Variants in HSDL2 observed in about 807,000 individuals in gnomAD.
HSDL2 encodes hydroxysteroid dehydrogenase-like protein 2.
A neutral mutation model predicts 46.3 loss-of-function variants in HSDL2; 27 were observed. The ratio of observed to expected loss-of-function variants is 0.58; its 90% CI spans 0.43 to 0.80. The LOEUF (loss-of-function observed/expected upper bound fraction) is 0.80, where lower values mean the gene tolerates loss of function less well. Among genes scored for constraint, HSDL2 ranks in the 30% least tolerant of loss-of-function variants. HSDL2 has a pLI of 0.00. For synonymous variants in HSDL2, 153 were observed against 163.6 expected (o/e 0.94, Z 0.50); for missense variants, 451 against 502.7 (o/e 0.90, Z 0.98).
intron 8 of HSDL2, among the ~76,000 whole-genome samples, chr9:112,449,367 A>G (rs548306061): frequency 6.0e-4 from 91 of 152,198 alleles, no homozygotes; most frequent in African/African-American, 2.1e-3. Flanking sequence ...GATTACCAGC[A>G]TGAGCCACCA....
intron 10 of HSDL2, among the ~76,000 whole-genome samples, chr9:112,462,608 G>A (rs1167163310): frequency 8.0e-6 from 1 of 125,380 alleles, no homozygotes; most frequent in African/African-American, 3.8e-5. Context: ...GGATGTGTGT[G>A]TGTGTGTGTG....
At chr9:112,389,807 G>A (rs905083823) in intron 1 of HSDL2, among the ~76,000 whole-genome samples, 2 of 152,168 alleles carry the variant, frequency 1.3e-5, no homozygotes, top group Non-Finnish European at 2.9e-5. Flanking sequence ...GCTTATGCCT[G>A]TAATCCCAGC....
intron 4 of HSDL2, among the ~76,000 whole-genome samples, chr9:112,412,480 G>C (rs1395578098): frequency 2.0e-5 from 3 of 152,130 alleles, no homozygotes; most frequent in Admixed American, 2.0e-4. Context: ...GAAATTGTTT[G>C]TTCATTGTAT....
At chr9:112,383,747 G>C (rs944859415) in intron 1 of HSDL2, among the ~76,000 whole-genome samples, 2 of 152,190 alleles carry the variant, frequency 1.3e-5, no homozygotes, top group Admixed American at 6.5e-5. Flanking sequence ...TGTCACCCAG[G>C]CTGGGGTGCA....
Position 112,408,889 on chromosome 9 carries a change from T to C in HSDL2, c.281-18T>C. On this transcript the variant is annotated intron_variant, in intron 3 of 10. Transcript: ENST00000398805. ...AAAAAGTCTTTCATTAAAATGAAATTGATTATTTTGAAAACAGGAATTGAT... is the reference window on the plus strand; with the variant it reads ...AAAAAGTCTTTCATTAAAATGAAATCGATTATTTTGAAAACAGGAATTGAT... 2.3e-6 allele frequency: 3 copies of C among 1,308,888 alleles called. No homozygotes were observed. Among genetic ancestry groups the C allele is most frequent in the Non-Finnish European group, 3.3e-6 (3 of 918,950 alleles). 81.1% of individuals were successfully genotyped at this position (1,308,888 alleles called of 1,614,324 possible). A position where few individuals can be genotyped will look rare whatever the true frequency, so the allele number is the denominator to read the frequency against.
In HSDL2 at chr9:112,416,953, T is replaced by C. The variant is rs781712978; in HGVS notation, c.499+9T>C. 8.8e-6 allele frequency: 12 copies of C among 1,362,342 alleles called. No individual in the cohort carries two copies. The highest frequency in any genetic ancestry group is 1.3e-5 in the Non-Finnish European group (12 of 954,186). The allele number at this position is 1,362,342 out of a possible 1,614,324, so 84.4% of individuals were successfully genotyped here. A position where few individuals can be genotyped will look rare whatever the true frequency, so the allele number is the denominator to read the frequency against. On this transcript the variant is annotated intron_variant, in intron 5 of 10. Transcript: ENST00000398805. ...GTTCAAACAGCACTGTGGTAGGTGG[T>C]AGGTGGTAGGGTGAGGGGATGGTTT... is the stretch of plus-strand genomic sequence containing the variant.
intron 4 of HSDL2, among the ~76,000 whole-genome samples, chr9:112,415,830 C>G (rs1466162340): frequency 6.6e-6 from 1 of 152,182 alleles, no homozygotes; most frequent in Admixed American, 6.5e-5. Flanking sequence ...GATTTCTGAG[C>G]AAGTTCAGTT....
At chr9:112,467,335 T>C (rs1358898049) in intron 10 of HSDL2, among the ~76,000 whole-genome samples, 1 of 152,178 alleles carries the variant, frequency 6.6e-6, no homozygotes, top group Non-Finnish European at 1.5e-5. Context: ...GAAATCCTTT[T>C]ATATTAAATA....
At chr9:112,430,064 A>G (rs962950166) in intron 6 of HSDL2, among the ~76,000 whole-genome samples, 2 of 152,022 alleles carry the variant, frequency 1.3e-5, no homozygotes, top group Non-Finnish European at 2.9e-5. Context: ...AGCCTGGGCA[A>G]CAGAGTTAAA....
At position 112,380,130 on chromosome 9, in the gene HSDL2, C is replaced by T. The variant is rs1279281068; in HGVS notation, c.-34C>T. On this transcript the variant is annotated 5_prime_UTR_variant, in exon 1 of 11. Coordinates refer to ENST00000398805, the MANE Select transcript of HSDL2 (RefSeq NM_032303.5). ...TTTAGCTCTCTGCTCGCCGCCGCCG[C>T]TGTCGCCGCCACCTCCTCTGATCTA... 1 of 1,555,060 alleles carries T rather than the reference C, an allele frequency of 6.4e-7. No homozygotes were observed. Among genetic ancestry groups the T allele is most frequent in the Non-Finnish European group, 8.7e-7 (1 of 1,146,964 alleles).
At chr9:112,454,495 A>G (rs190587797) in intron 9 of HSDL2, among the ~76,000 whole-genome samples, 1 of 152,010 alleles carries the variant, frequency 6.6e-6, no homozygotes. Flanking sequence ...GTACGGACAC[A>G]TGTAAAGTAA....
At position 112,438,620 on chromosome 9, in the gene HSDL2, A is replaced by G; in HGVS notation, c.788A>G (p.Lys263Arg). 1 of 1,547,398 alleles carries G rather than the reference A, an allele frequency of 6.5e-7. No individual in the cohort carries two copies. The highest frequency in any genetic ancestry group is 8.9e-7 in the Non-Finnish European group (1 of 1,128,566). The change falls in exon 7 of 11, where the codon AAA (lysine) becomes AGA (arginine). Residue 263 changes from lysine (K) to arginine (R), a missense_variant. Lys to Arg is a conservative substitution (Grantham distance 26). Transcript: ENST00000398805. The part of the protein sequence containing the change: ...GIENFDVYAI[K>R]PGHPLQPDFF... ...GAAAATTTTGACGTTTATGCAATTA[A>G]ACCAGGTAATGCTTTTATAGTTTTT...
chr9:112,397,409 A>G (rs983134124), intron 1 of HSDL2, among the ~76,000 whole-genome samples: 2 of 152,222 alleles, frequency 1.3e-5, no homozygotes, highest in African/African-American at 4.8e-5. Flanking sequence ...GAATACCTTG[A>G]GCGTGCTCAT....
intron 8 of HSDL2, among the ~76,000 whole-genome samples, chr9:112,453,286 G>A (rs1270094699): frequency 6.6e-6 from 1 of 152,178 alleles, no homozygotes; most frequent in African/African-American, 2.4e-5. Flanking sequence ...CCATCTTTCT[G>A]ATTCCAATGT....
intron 9 of HSDL2, among the ~76,000 whole-genome samples, chr9:112,456,451 C>T (rs1033990828): frequency 6.6e-6 from 1 of 152,256 alleles, no homozygotes; most frequent in Admixed American, 6.5e-5. Context: ...AATGCTCCTT[C>T]CCCAGTCCTT....
chr9:112,416,564 G>A (rs1831999088), intron 4 of HSDL2, among the ~76,000 whole-genome samples: 1 of 151,076 alleles, frequency 6.6e-6, no homozygotes, highest in Non-Finnish European at 1.5e-5. Flanking sequence ...GACCAGCCTG[G>A]GCAACAAAGC....
Position 112,438,535 on chromosome 9 carries a change from C to G in HSDL2, c.703C>G (p.Pro235Ala). Residue 235 changes from proline (P) to alanine (A), a missense_variant, in exon 7 of 11, where the codon CCA becomes GCA. By Grantham distance (27) the Pro-to-Ala change is conservative. Transcript: ENST00000398805. The stretch of plus-strand genomic sequence containing the variant: ...TGCAGCATATTCCATTTTCCAAAAG[C>G]CAAAAAGTTTTACTGGCAACTTTGT... ...ADAAYSIFQKPKSFTGNFVID... is the reference protein window; with the variant it reads ...ADAAYSIFQKAKSFTGNFVID... 6.2e-7 allele frequency: 1 copy of G among 1,611,884 alleles called. No homozygotes were observed. The highest frequency in any genetic ancestry group is 1.1e-5 in the South Asian group (1 of 90,468).
intron 1 of HSDL2, among the ~76,000 whole-genome samples, chr9:112,398,211 G>C (rs1831503968): frequency 6.6e-6 from 1 of 152,062 alleles, no homozygotes; most frequent in African/African-American, 2.4e-5. Context: ...GTGTGAAGAA[G>C]GGTACAGAGA....
chr9:112,394,504 C>CG (rs1329592463), intron 1 of HSDL2, among the ~76,000 whole-genome samples: 1 of 152,118 alleles, frequency 6.6e-6, no homozygotes, highest in African/African-American at 2.4e-5. Flanking sequence ...CCATGTGAGT[C>CG]ATTTTTTAAT....
Sources: gnomAD v4.1 joint callset for allele counts (sites outside exome capture counted in the v4.1 genomes callset) on GRCh38, gnomAD v4.1.1 for gene constraint, MANE v1.5 for transcripts, NCBI Gene and HGNC (gene_info 2026-07-23, HGNC 2026-07-21) for gene names.